The following EPB41L4A variants were observed in gnomAD, a reference collection of about 807,000 sequenced individuals.
The protein encoded by EPB41L4A is band 4.1-like protein 4A.
Under a neutral mutation model 108.6 loss-of-function variants are expected in EPB41L4A, and 100 were observed. The ratio of observed to expected loss-of-function variants is 0.92; its 90% CI spans 0.78 to 1.09. EPB41L4A has a LOEUF of 1.09. EPB41L4A is among the 50% of genes least tolerant of loss of function. EPB41L4A has a pLI of 0.00. For synonymous variants in EPB41L4A, 319 were observed against 289.0 expected, an observed-to-expected ratio of 1.10 and a Z score of -1.05; for missense variants, 1,030 against 842.7, an observed-to-expected ratio of 1.22 and a Z score of -2.75.
intron 17 of EPB41L4A, among the ~76,000 whole-genome samples, chr5:112,189,428 A>C (rs1761581506): frequency 6.6e-6 from 1 of 152,248 alleles, no homozygotes; most frequent in South Asian, 2.1e-4. Flanking sequence ...AGAATTCTTC[A>C]AAGTGGGTTC....
At chr5:112,143,878 G>T (rs1407365718) in exon 14 of EPB41L4A, 1 of 455,276 alleles carries the variant, frequency 2.2e-6, no homozygotes, top group African/African-American at 2.0e-5. Context: ...AGCAGAGTCT[G>T]CACTGAAGAC....
intron 1 of EPB41L4A, among the ~76,000 whole-genome samples, chr5:112,331,833 C>T (rs1756589915): frequency 6.6e-6 from 1 of 152,216 alleles, no homozygotes; most frequent in African/African-American, 2.4e-5. Flanking sequence ...AAGGGATATG[C>T]TGTCCATGGC....
chr5:112,209,961 A>G lies in EPB41L4A; in HGVS notation c.1109T>C (p.Ile370Thr). 1 of 1,601,688 alleles carries G rather than the reference A, an allele frequency of 6.2e-7. No individual in the cohort carries two copies. Among genetic ancestry groups the G allele is most frequent in the Non-Finnish European group, 8.5e-7 (1 of 1,169,802 alleles). The change falls in exon 13 of 23, where the codon ATA becomes ACA. Residue 370 changes from isoleucine to threonine, a missense_variant. Ile to Thr is a moderately conservative substitution (Grantham distance 89). Coordinates refer to ENST00000261486, the MANE Select transcript of EPB41L4A (RefSeq NM_022140.5). ...TTCTCCATTTTCCATGTTTGCAGTT[A>G]TCCTACTGATGCTGTTTGATTCTAG... The part of the protein sequence containing the change: ...QPAESNSISR[I>T]TANMENGENE...
intron 12 of EPB41L4A, among the ~76,000 whole-genome samples, chr5:112,230,438 C>T (rs190423263): frequency 3.3e-5 from 5 of 152,124 alleles, no homozygotes; most frequent in African/African-American, 1.2e-4. Flanking sequence ...AGGAGTAAAG[C>T]GGTATCTCAT....
chr5:112,173,358 T>C (rs1760690549), intron 18 of EPB41L4A, among the ~76,000 whole-genome samples: 2 of 152,080 alleles, frequency 1.3e-5, no homozygotes, highest in African/African-American at 4.8e-5. Context: ...CACCCCATGA[T>C]ATCAGGCCTA....
intron 9 of EPB41L4A, among the ~76,000 whole-genome samples, chr5:112,245,279 T>C (rs1327781816): frequency 2.6e-5 from 4 of 152,114 alleles, no homozygotes; most frequent in African/African-American, 9.7e-5. Flanking sequence ...CAAACCAAAC[T>C]CAAGTCTCAA....
intron 1 of EPB41L4A, among the ~76,000 whole-genome samples, chr5:112,410,853 C>T (rs920946613): frequency 6.6e-6 from 1 of 152,108 alleles, no homozygotes; most frequent in Admixed American, 6.5e-5. Flanking sequence ...CTACATATTG[C>T]CATATACAAA....
intron 1 of EPB41L4A, among the ~76,000 whole-genome samples, chr5:112,337,931 G>C (rs949087946): frequency 6.6e-6 from 1 of 152,112 alleles, no homozygotes; most frequent in African/African-American, 2.4e-5. Context: ...ACCAATGACT[G>C]CAAGAAGGCA....
chr5:112,339,488 A>ATCTATAGC (rs1554100008), intron 1 of EPB41L4A, among the ~76,000 whole-genome samples: 7 of 51,938 alleles, frequency 1.3e-4, no homozygotes. Context: ...ATATATATAT[A>ATCTATAGC]TATATATCTA....
chr5:112,228,243 C>G (rs1748609038), intron 12 of EPB41L4A: 1 of 152,172 alleles, frequency 6.6e-6, no homozygotes, highest in African/African-American at 2.4e-5. Context: ...ATTTCAAATT[C>G]TAGGAAGTTC....
intron 20 of EPB41L4A, chr5:112,170,026 CAGAAA>C (rs201257998): frequency 5.3e-6 from 2 of 377,784 alleles, no homozygotes; most frequent in Non-Finnish European, 9.3e-6. Context: ...GTGAGAATCT[CAGAAA>C]AGAATTTATT....
intron 4 of EPB41L4A, among the ~76,000 whole-genome samples, chr5:112,269,727 A>G (rs1263035161): frequency 2.0e-5 from 3 of 152,242 alleles, no homozygotes; most frequent in South Asian, 2.1e-4. Flanking sequence ...CTCTAGTTAC[A>G]TTGTACCATA....
Position 112,325,639 on chromosome 5 carries a change from G to A in EPB41L4A, c.100-18149C>T, listed in dbSNP as rs148076269. Among the ~76,000 whole-genome samples the A allele has an allele frequency of 1.3e-4, 20 of 152,264 alleles. No individual in the cohort carries two copies. In the East Asian group the frequency reaches 3.7e-3, roughly 28 times the overall value. On this transcript the variant is annotated intron_variant, in intron 1 of 22. Coordinates refer to ENST00000261486, the MANE Select transcript of EPB41L4A (RefSeq NM_022140.5). ...TAATTTCAAAAATGTCTTAAGAAAA[G>A]GTAATGAGGAGGTCATTTCAAAGCC...
At chr5:112,160,812 C>T (rs552591014), downstream of EPB41L4A, 35 of 156,256 alleles carry the variant, frequency 2.2e-4, 1 homozygote, top group Admixed American at 1.9e-3. Flanking sequence ...CTCGCGCTCT[C>T]GGACAGTGGG....
At chr5:112,419,896 C>G (rs1456455848), upstream of EPB41L4A, 5 of 456,638 alleles carry the variant, frequency 1.1e-5, no homozygotes, top group African/African-American at 2.0e-5. Context: ...CGGAATACGG[C>G]TTCTTCAGGA....
At chr5:112,368,234 C>T (rs2112526155) in intron 1 of EPB41L4A, among the ~76,000 whole-genome samples, 1 of 152,192 alleles carries the variant, frequency 6.6e-6, no homozygotes, top group Middle Eastern at 3.4e-3. Context: ...TTCATATTTA[C>T]CTCATCTCTT....
intron 1 of EPB41L4A, among the ~76,000 whole-genome samples, chr5:112,378,289 T>C (rs745784069): frequency 2.0e-5 from 3 of 152,184 alleles, no homozygotes; most frequent in Non-Finnish European, 2.9e-5. Context: ...AATTGGTCTA[T>C]ATAGCTTGCA....
chr5:112,195,634 A>C, intron 16 of EPB41L4A, 27 bp downstream of exon 16: 6 of 1,582,870 alleles, frequency 3.8e-6, no homozygotes, highest in Non-Finnish European at 5.2e-6. Context: ...CTTCCCTCTG[A>C]CTGTCCTTCC....
intron 2 of EPB41L4A, among the ~76,000 whole-genome samples, chr5:112,295,739 T>C (rs1753947081): frequency 6.6e-6 from 1 of 152,182 alleles, no homozygotes; most frequent in Non-Finnish European, 1.5e-5. Flanking sequence ...CTATGCAAAG[T>C]GTTAGAAGCA....
Sources: allele counts gnomAD v4.1 joint callset (sites outside exome capture counted in the v4.1 genomes callset), GRCh38; gene constraint gnomAD v4.1.1; transcripts MANE v1.5; gene names NCBI Gene and HGNC (gene_info 2026-07-23, HGNC 2026-07-21).